The following CELF1 variants were observed in gnomAD, a reference collection of about 807,000 sequenced individuals.
CELF1 encodes the protein 50 kDa nuclear polyadenylated RNA-binding protein.
A neutral mutation model predicts 61.8 loss-of-function variants in CELF1; 10 were observed. The observed-to-expected ratio is 0.16, with a 90% CI of 0.10 to 0.27. CELF1 has a LOEUF of 0.27. CELF1 is among the 10% of genes least tolerant of loss of function. The pLI, the probability that CELF1 is intolerant of heterozygous loss-of-function variation, is 1.00. For synonymous variants in CELF1, 236 were observed against 225.1 expected, an observed-to-expected ratio of 1.05 and a Z score of -0.43; for missense variants, 380 against 639.1, an observed-to-expected ratio of 0.59 and a Z score of 4.37.
chr11:47,541,631 A>C (rs1244228535), intron 1 of CELF1, among the ~76,000 whole-genome samples: 1 of 150,344 alleles, frequency 6.7e-6, no homozygotes, highest in African/African-American at 2.5e-5. Context: ...CAGAGGTTGC[A>C]GCGAGCCAAG....
upstream of CELF1, among the ~76,000 whole-genome samples, chr11:47,553,742 A>G (rs957505117): frequency 8.6e-5 from 13 of 152,028 alleles, no homozygotes; most frequent in Non-Finnish European, 1.9e-4. Context: ...GACATAAGGA[A>G]GTTCACAAAG....
At chr11:47,476,620 G>C (rs1268604110) in intron 12 of CELF1, among the ~76,000 whole-genome samples, 1 of 152,130 alleles carries the variant, frequency 6.6e-6, no homozygotes, top group East Asian at 1.9e-4. Flanking sequence ...GGGAGACGGG[G>C]TTTCACCGTG....
At chr11:47,553,816 ATATT>A (rs2097192377), upstream of CELF1, among the ~76,000 whole-genome samples, 1 of 116,450 alleles carries the variant, frequency 8.6e-6, no homozygotes, top group African/African-American at 2.6e-5. Flanking sequence ...ATATATATAT[ATATT>A]TTTTTTTCTT....
At chr11:47,558,927 T>C (rs1422200227) in intron 2 of CELF1, among the ~76,000 whole-genome samples, 1 of 136,942 alleles carries the variant, frequency 7.3e-6, no homozygotes, top group Non-Finnish European at 1.5e-5. Flanking sequence ...TAATATATTG[T>C]ATATAATGCG....
chr11:47,559,491 G>T (rs1310951365), intron 2 of CELF1, among the ~76,000 whole-genome samples: 2 of 151,910 alleles, frequency 1.3e-5, no homozygotes, highest in East Asian at 3.9e-4. Flanking sequence ...CCAAGTAGCT[G>T]GGACTACAGG....
intron 6 of CELF1, among the ~76,000 whole-genome samples, chr11:47,485,738 C>T (rs2086427410): frequency 1.3e-5 from 2 of 151,730 alleles, no homozygotes; most frequent in South Asian, 4.2e-4. Context: ...TGCACCACCA[C>T]ACTCAGCTAA....
intron 1 of CELF1, chr11:47,513,865 T>C (rs954273881): frequency 2.0e-5 from 3 of 152,064 alleles, no homozygotes; most frequent in African/African-American, 7.2e-5. Context: ...TTTTGGTTTA[T>C]CTTCTACCAG....
intron 2 of CELF1, among the ~76,000 whole-genome samples, chr11:47,558,543 T>TTA (rs1312591066): frequency 1.7e-4 from 20 of 117,946 alleles, no homozygotes; most frequent in African/African-American, 5.3e-4. Flanking sequence ...ATTTATATAT[T>TTA]TATATTATAT....
In CELF1 at chr11:47,489,485, T is replaced by C. The variant is rs2089801792; in HGVS notation, c.72-461A>G. 3.9e-5 allele frequency among the ~76,000 whole-genome samples: 6 copies of C among 152,300 alleles called. No individual in the cohort carries two copies. The South Asian group carries it at 1.2e-3, about 32-fold the overall frequency. ...AATGACAGGTGAAGTTTCCTTTCAGTAGAAGTTAGAAAAGAAGCACTTGAT... is the reference window on the plus strand; with the variant it reads ...AATGACAGGTGAAGTTTCCTTTCAGCAGAAGTTAGAAAAGAAGCACTTGAT... On this transcript the variant is annotated intron_variant, in intron 3 of 14. Transcript: ENST00000687097.
At chr11:47,548,544 A>G (rs193281861) in intron 1 of CELF1, among the ~76,000 whole-genome samples, 5 of 152,278 alleles carry the variant, frequency 3.3e-5, no homozygotes, top group Non-Finnish European at 7.4e-5. Flanking sequence ...AATATCTGCA[A>G]ATCATCTATC....
chr11:47,486,806 G>C lies in CELF1; in HGVS notation c.343-8C>G. The C allele has an allele frequency of 1.9e-6, 3 of 1,596,738 alleles. No homozygotes were observed. Among genetic ancestry groups the C allele is most frequent in the Non-Finnish European group, 2.6e-6 (3 of 1,164,326 alleles). ...CTGTATAGGGTGATGCATCTGAAAA[G>C]GAAAAATATGATTATTATCACTGTA... On this transcript the variant is annotated splice_region_variant and splice_polypyrimidine_tract_variant and intron_variant, in intron 5 of 14. Transcript: ENST00000687097.
intron 1 of CELF1, among the ~76,000 whole-genome samples, chr11:47,550,227 AAAAC>A (rs1370383651): frequency 3.3e-5 from 5 of 151,738 alleles, no homozygotes; most frequent in Non-Finnish European, 4.4e-5. Context: ...TGTCTCTACA[AAAAC>A]AAACAAACAA....
chr11:47,489,650 A>T (rs2089945371), intron 3 of CELF1, among the ~76,000 whole-genome samples: 1 of 152,204 alleles, frequency 6.6e-6, no homozygotes, highest in South Asian at 2.1e-4. Flanking sequence ...CGATGAACAT[A>T]AACAATGTTA....
intron 1 of CELF1, chr11:47,524,730 C>G (rs2096149144): frequency 6.6e-6 from 1 of 152,202 alleles, no homozygotes; most frequent in East Asian, 1.9e-4. Flanking sequence ...GGAACAGCAG[C>G]TTCAGCAGAA....
chr11:47,511,853 C>CT (rs2095211753), intron 1 of CELF1, among the ~76,000 whole-genome samples: 2 of 151,708 alleles, frequency 1.3e-5, no homozygotes, highest in South Asian at 4.2e-4. Flanking sequence ...AAAGTTGAGT[C>CT]TGACTTTTTT....
At chr11:47,522,101 C>T (rs1358883919) in intron 1 of CELF1, among the ~76,000 whole-genome samples, 1 of 151,914 alleles carries the variant, frequency 6.6e-6, no homozygotes, top group Non-Finnish European at 1.5e-5. Context: ...TTAGTAGACA[C>T]GGGGTTTCTC....
chr11:47,562,529 CA>C (rs35621873), intron 2 of CELF1, among the ~76,000 whole-genome samples: 5 of 91,118 alleles, frequency 5.5e-5, no homozygotes, highest in Non-Finnish European at 6.0e-5. Context: ...AACTCTATCT[CA>C]AAAAAAAAAA....
intron 1 of CELF1, among the ~76,000 whole-genome samples, chr11:47,505,718 AG>A (rs1290748479): frequency 2.7e-5 from 4 of 150,332 alleles, no homozygotes; most frequent in African/African-American, 9.7e-5. Context: ...TGGGAGGCCG[AG>A]GCTGGCAGAT....
At chr11:47,555,395 C>T (rs553047916), upstream of CELF1, among the ~76,000 whole-genome samples, 1 of 152,220 alleles carries the variant, frequency 6.6e-6, no homozygotes, top group Non-Finnish European at 1.5e-5. Flanking sequence ...TCTTGAAGAG[C>T]AACCAGAAGC....
Sources: allele counts gnomAD v4.1 joint callset (sites outside exome capture counted in the v4.1 genomes callset), GRCh38; gene constraint gnomAD v4.1.1; transcripts MANE v1.5; gene names NCBI Gene and HGNC (gene_info 2026-07-23, HGNC 2026-07-21).